LHFPL6: variants seen among roughly 807,000 people sequenced by gnomAD.
LHFPL6 encodes the protein LHFPL tetraspan subfamily member 6, also known as LHFPL tetraspan subfamily member 6 protein.
Under a neutral mutation model 20.6 loss-of-function variants are expected in LHFPL6, and 9 were observed. The observed-to-expected ratio is 0.44, with a 90% CI of 0.26 to 0.76. LHFPL6 has a LOEUF of 0.76. Ranked by LOEUF, LHFPL6 falls within the 30% of genes least tolerant of loss-of-function variation. LHFPL6 has a pLI of 0.20. For missense variants in LHFPL6, 218 were observed against 253.5 expected (o/e 0.86, Z 0.95); for synonymous variants, 105 against 98.7 (o/e 1.06, Z -0.38).
intron 2 of LHFPL6, among the ~76,000 whole-genome samples, chr13:39,568,627 G>A (rs1871804478): frequency 1.3e-5 from 2 of 152,126 alleles, no homozygotes; most frequent in Non-Finnish European, 1.5e-5. Flanking sequence ...GGAAAGCACT[G>A]TGAAATTGTT....
intron 2 of LHFPL6, among the ~76,000 whole-genome samples, chr13:39,461,200 G>A (rs562301548): frequency 6.6e-6 from 1 of 152,302 alleles, no homozygotes; most frequent in South Asian, 2.1e-4. Flanking sequence ...GGAGTCCATG[G>A]TGTATATGTA....
chr13:39,409,028 A>G (rs983279031), intron 2 of LHFPL6, among the ~76,000 whole-genome samples: 6 of 152,222 alleles, frequency 3.9e-5, no homozygotes, highest in African/African-American at 1.2e-4. Flanking sequence ...GCACTTTAAG[A>G]TATGAGGAAT....
intron 2 of LHFPL6, among the ~76,000 whole-genome samples, chr13:39,418,081 A>G (rs1455769792): frequency 6.6e-6 from 1 of 151,786 alleles, no homozygotes; most frequent in East Asian, 1.9e-4. Flanking sequence ...CCCCACATCT[A>G]CTCTTCCCAC....
intron 2 of LHFPL6, among the ~76,000 whole-genome samples, chr13:39,582,345 G>A (rs575035697): frequency 6.6e-6 from 1 of 152,220 alleles, no homozygotes; most frequent in Admixed American, 6.5e-5. Context: ...CTAAGAAGAG[G>A]GTAACAAGAC....
At chr13:39,542,007 C>T (rs1566137003) in intron 2 of LHFPL6, among the ~76,000 whole-genome samples, 1 of 151,718 alleles carries the variant, frequency 6.6e-6, no homozygotes, top group Non-Finnish European at 1.5e-5. Flanking sequence ...AGGAGAATGG[C>T]GTGAACCCGG....
At chr13:39,391,628 G>A (rs1870710677) in intron 2 of LHFPL6, among the ~76,000 whole-genome samples, 1 of 151,886 alleles carries the variant, frequency 6.6e-6, no homozygotes, top group Non-Finnish European at 1.5e-5. Context: ...TTTCAGCTTA[G>A]GATATATATT....
chr13:39,540,063 T>C (rs1176569795), intron 2 of LHFPL6, among the ~76,000 whole-genome samples: 2 of 152,126 alleles, frequency 1.3e-5, no homozygotes, highest in Non-Finnish European at 2.9e-5. Context: ...TAAATCATGA[T>C]TCAGATTTTT....
At chr13:39,551,889 T>C (rs1354034558) in intron 2 of LHFPL6, among the ~76,000 whole-genome samples, 1 of 152,178 alleles carries the variant, frequency 6.6e-6, no homozygotes, top group Admixed American at 6.5e-5. Flanking sequence ...ACAAAAGTAA[T>C]ATTTTTATAT....
chr13:39,572,288 C>CTGTGTGTGTG (rs3222813), intron 2 of LHFPL6, among the ~76,000 whole-genome samples: 484 of 143,504 alleles, frequency 3.4e-3, no homozygotes, highest in African/African-American at 0.01. Context: ...TTTTTAAACT[C>CTGTGTGTGTG]TGTGTGTGTG....
chr13:39,390,451 C>A (rs1438416020), intron 2 of LHFPL6, among the ~76,000 whole-genome samples: 2 of 151,926 alleles, frequency 1.3e-5, no homozygotes, highest in Non-Finnish European at 2.9e-5. Flanking sequence ...TGAGCTATGA[C>A]TGCACCATTG....
At chr13:39,474,309 A>G (rs1593326932) in intron 2 of LHFPL6, among the ~76,000 whole-genome samples, 1 of 152,376 alleles carries the variant, frequency 6.6e-6, no homozygotes, top group East Asian at 1.9e-4. Context: ...ACATAACAAT[A>G]CAAATTATTT....
At chr13:39,543,204 G>A (rs905880336) in intron 2 of LHFPL6, among the ~76,000 whole-genome samples, 2 of 152,070 alleles carry the variant, frequency 1.3e-5, no homozygotes, top group Non-Finnish European at 2.9e-5. Context: ...TCTTTTTAAG[G>A]CTGAAAAATA....
chr13:39,536,794 A>G (rs371702646), intron 2 of LHFPL6, among the ~76,000 whole-genome samples: 1 of 152,224 alleles, frequency 6.6e-6, no homozygotes, highest in South Asian at 2.1e-4. Flanking sequence ...TCAGTAATTA[A>G]TCCAGTTCTG....
chr13:39,566,522 C>T (rs1871719387), intron 2 of LHFPL6, among the ~76,000 whole-genome samples: 2 of 151,910 alleles, frequency 1.3e-5, no homozygotes, highest in East Asian at 3.9e-4. Context: ...AGGTGGATCA[C>T]TAGAGCCTAG....
intron 3 of LHFPL6, among the ~76,000 whole-genome samples, chr13:39,347,865 C>T (rs1330660401): frequency 1.3e-5 from 2 of 152,162 alleles, no homozygotes; most frequent in Non-Finnish European, 2.9e-5. Flanking sequence ...GCTCATAACA[C>T]AGAATACAAT....
intron 2 of LHFPL6, among the ~76,000 whole-genome samples, chr13:39,562,637 T>TATAC (rs1871569732): frequency 7.5e-6 from 1 of 132,992 alleles, no homozygotes; most frequent in Non-Finnish European, 1.6e-5. Context: ...CACATATATA[T>TATAC]ACACATATAT....
chr13:39,465,312 C>T (rs1329336682), intron 2 of LHFPL6, among the ~76,000 whole-genome samples: 2 of 152,092 alleles, frequency 1.3e-5, no homozygotes, highest in Non-Finnish European at 2.9e-5. Flanking sequence ...GGCATGCCAA[C>T]CTATCATTAA....
intron 2 of LHFPL6, among the ~76,000 whole-genome samples, chr13:39,500,630 G>A (rs185252255): frequency 2.0e-4 from 30 of 152,250 alleles, no homozygotes; most frequent in Non-Finnish European, 2.9e-5. Context: ...CCTGCTGATA[G>A]ATTAACAAGG....
intron 2 of LHFPL6, among the ~76,000 whole-genome samples, chr13:39,576,854 T>A (rs1053691849): frequency 6.6e-6 from 1 of 152,200 alleles, no homozygotes; most frequent in Non-Finnish European, 1.5e-5. Flanking sequence ...CTTGGGCTCT[T>A]AATAATTTTT....
Sources: allele counts gnomAD v4.1 joint callset (sites outside exome capture counted in the v4.1 genomes callset), GRCh38; gene constraint gnomAD v4.1.1; transcripts MANE v1.5; gene names NCBI Gene and HGNC (gene_info 2026-07-23, HGNC 2026-07-21).